KDM6A: variants seen among roughly 807,000 people sequenced by gnomAD.
The protein encoded by KDM6A is lysine-specific demethylase 6A.
KDM6A carries 11 observed loss-of-function variants against 117.6 expected under a neutral mutation model. The observed-to-expected ratio is 0.09, with a 90% confidence interval of 0.06 to 0.15. The LOEUF (loss-of-function observed/expected upper bound fraction) is 0.15, where lower values mean the gene tolerates loss of function less well. KDM6A is among the 10% of genes least tolerant of loss of function. The pLI is 1.00. For synonymous variants in KDM6A, 384 were observed against 396.1 expected (o/e 0.97, Z 0.36); for missense variants, 799 against 1,077.3 (o/e 0.74, Z 3.62).
chrX:45,009,779 G>C (rs2041672447), intron 4 of KDM6A, among the ~76,000 whole-genome samples: 1 of 111,554 alleles, frequency 9.0e-6, no homozygotes, highest in Non-Finnish European at 1.9e-5. Context: ...TCTCCAGCAG[G>C]CTTGAGTCCC....
chrX:45,052,982 A>G (rs1028977535), intron 9 of KDM6A, among the ~76,000 whole-genome samples: 8 of 112,048 alleles, frequency 7.1e-5, no homozygotes, highest in African/African-American at 2.6e-4. Context: ...GGTGTGAGCC[A>G]CTGTGCCTGG....
At chrX:45,070,466 G>A in intron 18 of KDM6A, 109 bp downstream of exon 18, 2 of 684,215 alleles carry the variant, frequency 2.9e-6, no homozygotes, top group Non-Finnish European at 4.5e-6. Flanking sequence ...AGATGGTGTA[G>A]TCATTCATCT....
intron 3 of KDM6A, among the ~76,000 whole-genome samples, chrX:44,969,836 A>C (rs1273233767): frequency 8.9e-6 from 1 of 112,323 alleles, no homozygotes; most frequent in Non-Finnish European, 1.9e-5. Flanking sequence ...AAAATTGTCA[A>C]TTTTTTAATC....
At chrX:45,096,774 T>C (rs1276564222) in intron 27 of KDM6A, among the ~76,000 whole-genome samples, 1 of 111,555 alleles carries the variant, frequency 9.0e-6, no homozygotes, top group African/African-American at 3.3e-5. Context: ...GACTGTAAAT[T>C]AGTCCAACCA....
intron 4 of KDM6A, among the ~76,000 whole-genome samples, chrX:44,979,998 CTT>C (rs56817217): frequency 0.1 from 7,115 of 71,208 alleles, 851 homozygotes; most frequent in African/African-American, 0.31. Flanking sequence ...TCTTTCTTTC[CTT>C]TTTTTTTTTT....
intron 2 of KDM6A, among the ~76,000 whole-genome samples, chrX:44,930,182 T>A (rs775592685): frequency 9.0e-6 from 1 of 111,305 alleles, no homozygotes; most frequent in Non-Finnish European, 1.9e-5. Flanking sequence ...ATTTTGAGAG[T>A]TCTTTATATA....
chrX:45,035,786 G>A (rs1056655905), intron 7 of KDM6A, among the ~76,000 whole-genome samples: 3 of 108,826 alleles, frequency 2.8e-5, no homozygotes, highest in African/African-American at 1.0e-4. Flanking sequence ...TGCAAGCTCC[G>A]CCTACCGGGT....
At chrX:45,098,476 G>A (rs758241926) in intron 27 of KDM6A, among the ~76,000 whole-genome samples, 57 of 112,995 alleles carry the variant, frequency 5.0e-4, no homozygotes, top group African/African-American at 1.7e-3. Flanking sequence ...GGGCCAGACA[G>A]TGGAACATTT....
rs749043410 is a variant in KDM6A at position 45,043,104 on chromosome X, A to G, written c.654+5415A>G. 5.4e-5 allele frequency among the ~76,000 whole-genome samples: 6 copies of G among 111,600 alleles called. No homozygotes were observed. The East Asian group carries it at 1.7e-3, about 32-fold the overall frequency. Reference sequence around the variant, plus strand: ...CAAGAGTTCCAGACCAGCCTGGGCAACATGGTGAAACCCCATCTCTACCAA... The same window carrying G: ...CAAGAGTTCCAGACCAGCCTGGGCAGCATGGTGAAACCCCATCTCTACCAA... On this transcript the variant is annotated intron_variant, in intron 8 of 29. Transcript: ENST00000611820.
chrX:45,037,776 G>C (rs2147795940), intron 8 of KDM6A, 87 bp downstream of exon 8: 1 of 772,191 alleles, frequency 1.3e-6, no homozygotes, highest in Non-Finnish European at 2.0e-6. Context: ...GAAGTGTACA[G>C]ATAATTTAAT....
intron 3 of KDM6A, among the ~76,000 whole-genome samples, chrX:44,966,887 T>TTTTTA (rs2039047307): frequency 9.6e-6 from 1 of 104,144 alleles, no homozygotes; most frequent in African/African-American, 3.6e-5. Flanking sequence ...TTTTTTTTTT[T>TTTTTA]GAGACAGAGT....
intron 3 of KDM6A, among the ~76,000 whole-genome samples, chrX:44,973,430 G>A (rs1347583191): frequency 9.0e-6 from 1 of 111,722 alleles, no homozygotes; most frequent in Non-Finnish European, 1.9e-5. Context: ...CTTCAGGAAA[G>A]TTATTTGGGA....
chrX:44,930,918 A>G (rs1012415219), intron 2 of KDM6A, among the ~76,000 whole-genome samples: 2 of 111,512 alleles, frequency 1.8e-5, no homozygotes, highest in Non-Finnish European at 3.8e-5. Context: ...TGAATTTTTA[A>G]TACTTTATTT....
chrX:44,896,515 AAG>A (rs2033866598), intron 2 of KDM6A, among the ~76,000 whole-genome samples: 1 of 111,687 alleles, frequency 9.0e-6, no homozygotes, highest in Admixed American at 9.5e-5. Context: ...AAAAGATAAA[AAG>A]AAACTCATGC....
rs1425933083 is a variant in KDM6A, at chrX:44,912,324, G to T, written c.225+38337G>T. ...GGCTGGTCTCGAACTCTCGACCTCA[G>T]GTGATCTGCCCACCTCGGCCTCCCA... On this transcript the variant is annotated intron_variant, in intron 2 of 29. Transcript: ENST00000611820. 3.6e-5 allele frequency among the ~76,000 whole-genome samples: 4 copies of T among 110,751 alleles called. No homozygotes were observed. In the Admixed American group the frequency reaches 3.8e-4, roughly 11 times the overall value.
chrX:44,919,821 G>A (rs1279105075), intron 2 of KDM6A, among the ~76,000 whole-genome samples: 1 of 110,132 alleles, frequency 9.1e-6, no homozygotes, highest in Non-Finnish European at 1.9e-5. Flanking sequence ...TGTTGACCAG[G>A]CTGGTCTTGA....
At chrX:44,973,301 T>C (rs1007814677) in intron 3 of KDM6A, among the ~76,000 whole-genome samples, 3 of 111,439 alleles carry the variant, frequency 2.7e-5, no homozygotes, top group Non-Finnish European at 5.6e-5. Flanking sequence ...ACCCTTTTTC[T>C]TCATCTTGGG....
rs1471038075 is a variant in KDM6A at position 45,063,733 on chromosome X, C to T, written c.1995C>T (p.Asn665=). The change falls in exon 17 of 30, where the codon AAC becomes AAT. Residue 665 remains asparagine (N), a synonymous_variant. Transcript: ENST00000611820. ...SNGNVPYLQR[N]ALTLPHNRTN... ...GAAACGTGCCTTACCTGCAGCGAAA[C>T]GCACTCACTCTACCTCATAACCGCA... The T allele has an allele frequency of 8.3e-6, 10 of 1,207,009 alleles. No homozygotes were observed. The highest frequency in any genetic ancestry group is 1.1e-5 in the Non-Finnish European group (10 of 892,524).
In KDM6A at chrX:45,037,648, T is replaced by C; in HGVS notation, c.620-7T>C. 1 of 1,202,617 alleles carries C rather than the reference T, an allele frequency of 8.3e-7. No homozygotes were observed. Among genetic ancestry groups the C allele is most frequent in the Non-Finnish European group, 1.1e-6 (1 of 887,435 alleles). On this transcript the variant is annotated splice_polypyrimidine_tract_variant and splice_region_variant and intron_variant, in intron 7 of 29. Coordinates refer to ENST00000611820, the MANE Select transcript of KDM6A (RefSeq NM_001291415.2). ...CTGATTTTTTTGTCTTTCCTCATCC[T>C]TTGCAGTTCAATTTCACATTGCCCA... is the stretch of plus-strand genomic sequence containing the variant.
Sources: gnomAD v4.1 joint callset for allele counts (sites outside exome capture counted in the v4.1 genomes callset) on GRCh38, gnomAD v4.1.1 for gene constraint, MANE v1.5 for transcripts, NCBI Gene and HGNC (gene_info 2026-07-23, HGNC 2026-07-21) for gene names.